ADGRV1: variants seen among roughly 807,000 people sequenced by gnomAD.
ADGRV1 encodes the protein adhesion G protein-coupled receptor V1.
Under a neutral mutation model 596.2 loss-of-function variants are expected in ADGRV1, and 359 were observed. The ratio of observed to expected loss-of-function variants is 0.60; its 90% CI spans 0.55 to 0.66. The LOEUF (loss-of-function observed/expected upper bound fraction) is 0.66. Among genes scored for constraint, ADGRV1 ranks in the 30% least tolerant of loss-of-function variants. The pLI, the probability that ADGRV1 is intolerant of heterozygous loss-of-function variation, is 0.00. For synonymous variants in ADGRV1, 2,681 were observed against 2,679.2 expected, an observed-to-expected ratio of 1.00 and a Z score of -0.02; for missense variants, 7,274 against 7,575.6, an observed-to-expected ratio of 0.96 and a Z score of 1.48.
chr5:90,745,700 A>T lies in ADGRV1; in HGVS notation c.10879A>T (p.Asn3627Tyr). ...KEESFKVQLK[N>Y]PKGGAEIGIN... ...AGAATCCTTCAAAGTTCAACTTAAA[A>T]ATCCCAAAGGAGGAGCAGAGATTGG... is the stretch of plus-strand genomic sequence containing the variant. Residue 3627 changes from asparagine (N) to tyrosine (Y), a missense_variant, in exon 52 of 90, where the codon AAT becomes TAT. Around this residue, in one of 5 missense-constraint regions of ADGRV1, gnomAD observed 3,643 missense variants for 3,809.2 expected, o/e 0.96. Coordinates refer to ENST00000405460, the MANE Select transcript of ADGRV1 (RefSeq NM_032119.4). 6.2e-7 allele frequency: 1 copy of T among 1,612,594 alleles called. No homozygotes were observed. Among genetic ancestry groups the T allele is most frequent in the Non-Finnish European group, 8.5e-7 (1 of 1,178,884 alleles).
chr5:90,755,777 A>C (rs1755767672), intron 55 of ADGRV1, among the ~76,000 whole-genome samples: 2 of 148,902 alleles, frequency 1.3e-5, no homozygotes. Context: ...ATAATAACAA[A>C]ATGTTGTTTT....
intron 87 of ADGRV1, among the ~76,000 whole-genome samples, chr5:91,122,933 C>T (rs1217061479): frequency 6.6e-6 from 1 of 152,170 alleles, no homozygotes; most frequent in Non-Finnish European, 1.5e-5. Context: ...AGAGGGACTC[C>T]TAGACTTCCT....
chr5:91,008,879 G>A (rs994742436), intron 85 of ADGRV1, among the ~76,000 whole-genome samples: 2 of 152,128 alleles, frequency 1.3e-5, no homozygotes, highest in Non-Finnish European at 2.9e-5. Context: ...TTCTCATAGA[G>A]CTAGTACAAA....
intron 77 of ADGRV1, among the ~76,000 whole-genome samples, chr5:90,839,969 T>A (rs1402474892): frequency 2.0e-5 from 3 of 152,204 alleles, no homozygotes; most frequent in African/African-American, 7.2e-5. Flanking sequence ...TAAATGCACA[T>A]TCCTTTGATT....
chr5:90,694,130 T>C lies in ADGRV1; in HGVS notation c.7374T>C (p.Ser2458=). The C allele has an allele frequency of 2.5e-6, 4 of 1,613,812 alleles. No individual in the cohort carries two copies. The highest frequency in any genetic ancestry group is 3.4e-6 in the Non-Finnish European group (4 of 1,179,822). Residue 2458 remains serine, a synonymous_variant, in exon 33 of 90, where the codon TCT becomes TCC. Coordinates refer to ENST00000405460, the MANE Select transcript of ADGRV1 (RefSeq NM_032119.4). ...ACSAFSFFSA[S]EGPQCFWMTS... ...CAGCGTTTTCATTTTTCAGTGCTTC[T>C]GAGGGTCCCCAGTGTTTCTGGATGA...
At position 90,708,867 on chromosome 5, in the gene ADGRV1, G is replaced by A; in HGVS notation, c.8782G>A (p.Gly2928Arg). Residue 2928 changes from glycine (G) to arginine (R), a missense_variant, in exon 39 of 90, where the codon GGA (glycine) becomes AGA (arginine). By Grantham distance (125) the Gly-to-Arg change is moderately radical. Transcript: ENST00000405460. The part of the protein sequence containing the change: ...EYFLVNLTYV[G>R]LTMAASTSFP... ...TTTCCTGGTGAATTTAACTTACGTT[G>A]GACTTACCATGGCTGCTTCAACTTC... 4 of 1,612,426 alleles carry A rather than the reference G, an allele frequency of 2.5e-6. No homozygotes were observed. Among genetic ancestry groups the A allele is most frequent in the Non-Finnish European group, 3.4e-6 (4 of 1,178,918 alleles).
chr5:90,645,088 G>A (rs148779191), intron 15 of ADGRV1, among the ~76,000 whole-genome samples: 5 of 152,208 alleles, frequency 3.3e-5, no homozygotes, highest in Non-Finnish European at 4.4e-5. Flanking sequence ...CAGTGACACT[G>A]CTCATGTATC....
At chr5:90,763,877 G>C (rs1233249775) in intron 59 of ADGRV1, among the ~76,000 whole-genome samples, 1 of 152,168 alleles carries the variant, frequency 6.6e-6, no homozygotes, top group African/African-American at 2.4e-5. Context: ...ATATGACTGT[G>C]TAGTATTCCA....
At chr5:90,794,284 C>G (rs1221631061) in intron 70 of ADGRV1, among the ~76,000 whole-genome samples, 1 of 152,160 alleles carries the variant, frequency 6.6e-6, no homozygotes, top group Non-Finnish European at 1.5e-5. Context: ...AGGTTTAACA[C>G]CAGAACCTTC....
chr5:90,650,588 T>G (rs751776794), intron 17 of ADGRV1, among the ~76,000 whole-genome samples: 38 of 152,198 alleles, frequency 2.5e-4, no homozygotes, highest in Non-Finnish European at 4.7e-4. Context: ...TTTTTGAAAG[T>G]GTTAGTTGCA....
chr5:90,902,679 G>A (rs574861953), intron 83 of ADGRV1, among the ~76,000 whole-genome samples: 6 of 152,198 alleles, frequency 3.9e-5, no homozygotes, highest in African/African-American at 7.2e-5. Context: ...TGATTCCAAC[G>A]TAGTGGCTGT....
intron 52 of ADGRV1, among the ~76,000 whole-genome samples, chr5:90,747,825 G>A (rs1461791356): frequency 3.3e-5 from 5 of 152,266 alleles, no homozygotes; most frequent in South Asian, 4.1e-4. Context: ...GCGGATAGCC[G>A]ACCTGTGAAC....
chr5:90,890,207 C>T (rs1770676277), intron 83 of ADGRV1, among the ~76,000 whole-genome samples: 2 of 152,142 alleles, frequency 1.3e-5, no homozygotes, highest in African/African-American at 2.4e-5. Context: ...CTTTTTGCAA[C>T]TCACCTTTTC....
chr5:90,842,753 A>G (rs932617167), intron 78 of ADGRV1, among the ~76,000 whole-genome samples: 2 of 152,166 alleles, frequency 1.3e-5, no homozygotes, highest in East Asian at 3.8e-4. Context: ...AGAAAACATC[A>G]TTTGAATTCT....
At chr5:90,874,752 G>T (rs1769058366) in intron 83 of ADGRV1, among the ~76,000 whole-genome samples, 1 of 151,974 alleles carries the variant, frequency 6.6e-6, no homozygotes, top group African/African-American at 2.4e-5. Flanking sequence ...CAGCTTCTCG[G>T]GAGGCTGAGG....
At chr5:91,094,461 TAAAA>T (rs533784886) in intron 86 of ADGRV1, among the ~76,000 whole-genome samples, 1 of 129,168 alleles carries the variant, frequency 7.7e-6, no homozygotes. Flanking sequence ...TCCTTCTATG[TAAAA>T]AAAAAAAAAA....
At chr5:91,015,130 T>C (rs1358335759) in intron 85 of ADGRV1, among the ~76,000 whole-genome samples, 1 of 151,960 alleles carries the variant, frequency 6.6e-6, no homozygotes, top group East Asian at 1.9e-4. Flanking sequence ...GTTAATTTCA[T>C]TTTTTTACCC....
chr5:90,951,670 T>C (rs1409921554), intron 83 of ADGRV1, among the ~76,000 whole-genome samples: 3 of 152,176 alleles, frequency 2.0e-5, no homozygotes, highest in African/African-American at 7.2e-5. Flanking sequence ...CAAACTTAAA[T>C]TTTAAATCAT....
At chr5:90,745,470 C>T (rs188075326) in intron 51 of ADGRV1, 121 bp from the exon 52 acceptor site, 191 of 775,598 alleles carry the variant, frequency 2.5e-4, no homozygotes, top group African/African-American at 2.3e-3. Flanking sequence ...TTAAAATTTT[C>T]GTTATGAAAT....
Sources: gnomAD v4.1 joint callset for allele counts (sites outside exome capture counted in the v4.1 genomes callset) on GRCh38, gnomAD v4.1.1 for gene constraint, gnomAD v4.1.1 regional missense constraint, MANE v1.5 for transcripts, NCBI Gene and HGNC (gene_info 2026-07-23, HGNC 2026-07-21) for gene names.